Variants in GAREM1 observed in about 807,000 individuals in gnomAD.
GAREM1 encodes GRB2-associated and regulator of MAPK protein 1.
In GAREM1, 26 loss-of-function variants were observed where a neutral mutation model predicts 71.3. The observed-to-expected ratio is 0.36, with a 90% CI of 0.27 to 0.51. The LOEUF is 0.51. Ranked by LOEUF, GAREM1 falls within the 20% of genes least tolerant of loss-of-function variation. The probability of loss-of-function intolerance (pLI) is 0.95; values close to 1 mark genes in which losing one functional copy is unlikely to be tolerated. For synonymous variants in GAREM1, 440 were observed against 433.2 expected, an observed-to-expected ratio of 1.02 and a Z score of -0.20; for missense variants, 1,026 against 1,103.1, an observed-to-expected ratio of 0.93 and a Z score of 0.99.
At chr18:32,428,020 A>C (rs923246143) in intron 1 of GAREM1, among the ~76,000 whole-genome samples, 6 of 152,190 alleles carry the variant, frequency 3.9e-5, no homozygotes, top group African/African-American at 1.4e-4. Flanking sequence ...GTGGTAGATT[A>C]TGTAAGAGGA....
intron 1 of GAREM1, among the ~76,000 whole-genome samples, chr18:32,427,238 C>T (rs551068800): frequency 1.1e-4 from 17 of 152,238 alleles, no homozygotes; most frequent in Admixed American, 9.2e-4. Context: ...AAAACACCTA[C>T]GTCATTAAGT....
At chr18:32,461,654 C>A (rs1313418141) in intron 1 of GAREM1, among the ~76,000 whole-genome samples, 1 of 152,030 alleles carries the variant, frequency 6.6e-6, no homozygotes, top group African/African-American at 2.4e-5. Context: ...ATGATCGCAC[C>A]ACTGCACTCC....
intron 2 of GAREM1, among the ~76,000 whole-genome samples, chr18:32,367,003 C>T (rs2047933863): frequency 6.6e-6 from 1 of 152,216 alleles, no homozygotes; most frequent in Non-Finnish European, 1.5e-5. Context: ...CCTAATCCCA[C>T]AGCCCTCTAG....
intron 1 of GAREM1, among the ~76,000 whole-genome samples, chr18:32,397,224 C>G (rs1312724940): frequency 6.6e-6 from 1 of 152,200 alleles, no homozygotes; most frequent in African/African-American, 2.4e-5. Flanking sequence ...ACCATCAAGG[C>G]TAGGAAGAAA....
intron 2 of GAREM1, among the ~76,000 whole-genome samples, chr18:32,373,077 C>A (rs2047999639): frequency 6.6e-6 from 1 of 152,090 alleles, no homozygotes; most frequent in Non-Finnish European, 1.5e-5. Flanking sequence ...AGTCTGTAAA[C>A]AATAGAAGAT....
intron 1 of GAREM1, among the ~76,000 whole-genome samples, chr18:32,468,960 T>TCCCCCCCCCCCCCCCCCCCCCCCC (rs34977174): frequency 6.1e-5 from 5 of 82,204 alleles, no homozygotes; most frequent in Non-Finnish European, 7.1e-5. Context: ...CACCTGTGCG[T>TCCCCCCCCCCCCCCCCCCCCCCCC]CCCCCCCCCC....
At chr18:32,319,863 A>G (rs553643453) in intron 2 of GAREM1, among the ~76,000 whole-genome samples, 2 of 152,348 alleles carry the variant, frequency 1.3e-5, no homozygotes, top group South Asian at 4.1e-4. Flanking sequence ...AGAACTGCAC[A>G]TTATTTCATC....
At chr18:32,431,086 G>C (rs2048620146) in intron 1 of GAREM1, among the ~76,000 whole-genome samples, 1 of 152,174 alleles carries the variant, frequency 6.6e-6, no homozygotes, top group Non-Finnish European at 1.5e-5. Flanking sequence ...GAATTGAACT[G>C]CAGTACAGAC....
At chr18:32,288,359 C>T (rs756969996) in intron 3 of GAREM1, among the ~76,000 whole-genome samples, 156 bp from the exon 4 acceptor site, 14 of 152,054 alleles carry the variant, frequency 9.2e-5, no homozygotes, top group Admixed American at 6.6e-4. Flanking sequence ...ATTATACTTA[C>T]GTGATTAACA....
intron 1 of GAREM1, among the ~76,000 whole-genome samples, chr18:32,409,363 T>G (rs1017565244): frequency 2.0e-5 from 3 of 152,184 alleles, no homozygotes; most frequent in African/African-American, 7.2e-5. Context: ...AATCCTATTT[T>G]TGGGTGAGTA....
Position 32,287,147 on chromosome 18 carries a change from A to T in GAREM1, c.1450T>A (p.Ser484Thr), listed in dbSNP as rs759887837. ...EKNRCDQFRGSVRSKCATSPL... is the reference protein window; with the variant it reads ...EKNRCDQFRGTVRSKCATSPL... Reference sequence around the variant, plus strand: ...GAAGTCGCACATTTGGATCGGACAGAACCTCTAAACTGATCACATCTGTTC... The same window carrying T: ...GAAGTCGCACATTTGGATCGGACAGTACCTCTAAACTGATCACATCTGTTC... Residue 484 changes from serine (S) to threonine (T), a missense_variant, in exon 4 of 6, where the codon TCT (serine) becomes ACT (threonine). Around this residue, in one of 3 missense-constraint regions of GAREM1, gnomAD observed 636 missense variants for 631.2 expected, o/e 1.01. Coordinates refer to ENST00000269209, the MANE Select transcript of GAREM1 (RefSeq NM_001242409.2). The surrounding 1 kb of genome is among the most constrained non-coding windows in gnomAD (Gnocchi z 5.9). The T allele has an allele frequency of 1.9e-6, 3 of 1,614,222 alleles. No individual in the cohort carries two copies. The highest frequency in any genetic ancestry group is 2.5e-6 in the Non-Finnish European group (3 of 1,180,028).
At chr18:32,334,009 A>G (rs1279060934) in intron 2 of GAREM1, among the ~76,000 whole-genome samples, 1 of 152,222 alleles carries the variant, frequency 6.6e-6, no homozygotes, top group Non-Finnish European at 1.5e-5. Context: ...GATTCAGGGC[A>G]GGATCTGTCA....
chr18:32,312,563 A>G (rs1056010320), intron 2 of GAREM1, among the ~76,000 whole-genome samples: 7 of 152,212 alleles, frequency 4.6e-5, no homozygotes, highest in African/African-American at 1.7e-4. Flanking sequence ...ACCAGAAATA[A>G]TAAGAATGGG....
intron 1 of GAREM1, among the ~76,000 whole-genome samples, chr18:32,421,941 C>A (rs1165679488): frequency 6.6e-6 from 1 of 152,084 alleles, no homozygotes; most frequent in African/African-American, 2.4e-5. Context: ...AAAGCTTCTG[C>A]CCCTCTGTAC....
intron 2 of GAREM1, among the ~76,000 whole-genome samples, chr18:32,311,884 T>C (rs2047327824): frequency 1.3e-5 from 2 of 152,200 alleles, no homozygotes; most frequent in Non-Finnish European, 2.9e-5. Flanking sequence ...CTAGCTGGCA[T>C]GTTGAGAAGA....
intron 1 of GAREM1, among the ~76,000 whole-genome samples, chr18:32,455,991 A>G (rs1032424134): frequency 6.6e-6 from 1 of 152,146 alleles, no homozygotes; most frequent in African/African-American, 2.4e-5. Context: ...ATCTTATATC[A>G]TATGCAAAAA....
chr18:32,447,411 A>C (rs1276855917), intron 1 of GAREM1, among the ~76,000 whole-genome samples: 1 of 152,190 alleles, frequency 6.6e-6, no homozygotes, highest in Admixed American at 6.5e-5. Flanking sequence ...CATTCGTCAA[A>C]TAAATTTCTG....
At chr18:32,338,790 C>A (rs1226354017) in intron 2 of GAREM1, among the ~76,000 whole-genome samples, 1 of 152,180 alleles carries the variant, frequency 6.6e-6, no homozygotes, top group Non-Finnish European at 1.5e-5. Context: ...GTTGTGTCAA[C>A]TTGGTTTGAT....
In GAREM1 at chr18:32,329,703, T is replaced by TAA. The variant is rs756082703; in HGVS notation, c.263-19382_263-19381dup. Among the ~76,000 whole-genome samples, 149 of 78,116 alleles carry TAA rather than the reference T, an allele frequency of 1.9e-3. 2 individuals are homozygous for TAA. Among genetic ancestry groups the TAA allele is most frequent in the African/African-American group, 4.9e-3 (87 of 17,698 alleles). 51.2% of individuals were successfully genotyped at this position (78,116 alleles called of 152,430 possible). A position where few individuals can be genotyped will look rare whatever the true frequency, so the allele number is the denominator to read the frequency against. On this transcript the variant is annotated intron_variant, in intron 2 of 5. Transcript: ENST00000269209. ...CCTGGGTGACAGAGCGAGACTCCAT[T>TAA]AAAAAAAAAAAAAAAAAAAAAAGAT...
Sources: allele counts gnomAD v4.1 joint callset (sites outside exome capture counted in the v4.1 genomes callset), GRCh38; gene constraint gnomAD v4.1.1; regional missense constraint gnomAD v4.1.1; non-coding constraint Gnocchi (gnomAD v3.1); transcripts MANE v1.5; gene names NCBI Gene and HGNC (gene_info 2026-07-23, HGNC 2026-07-21).